The following UBE2E2 variants were observed in gnomAD, a reference collection of about 807,000 sequenced individuals.
UBE2E2 encodes ubiquitin-conjugating enzyme E2 E2.
Under a neutral mutation model 24.7 loss-of-function variants are expected in UBE2E2, and 6 were observed. That is an observed-to-expected ratio of 0.24 (90% CI 0.13 to 0.48). The LOEUF is 0.48. Ranked by LOEUF, UBE2E2 falls within the 20% of genes least tolerant of loss-of-function variation. The pLI is 0.99. For missense variants in UBE2E2, 169 were observed against 245.0 expected (o/e 0.69, Z 2.07); for synonymous variants, 104 against 83.6 (o/e 1.24, Z -1.33).
intron 5 of UBE2E2, among the ~76,000 whole-genome samples, chr3:23,588,748 A>G (rs1234794746): frequency 6.6e-6 from 1 of 152,176 alleles, no homozygotes; most frequent in Non-Finnish European, 1.5e-5. Flanking sequence ...CAAGAGACTC[A>G]GCCTCCTTAT....
chr3:23,585,556 G>A (rs1352391918), intron 5 of UBE2E2, among the ~76,000 whole-genome samples: 3 of 152,094 alleles, frequency 2.0e-5, no homozygotes, highest in African/African-American at 4.8e-5. Flanking sequence ...TTAAGTACTT[G>A]AAGTCATCTA....
intron 3 of UBE2E2, among the ~76,000 whole-genome samples, chr3:23,370,883 A>G (rs1214565317): frequency 6.6e-6 from 1 of 152,250 alleles, no homozygotes; most frequent in Non-Finnish European, 1.5e-5. Flanking sequence ...AAATGGGAAG[A>G]GAGTAGAAGT....
chr3:23,557,742 A>G (rs1390156061), intron 5 of UBE2E2, among the ~76,000 whole-genome samples: 1 of 152,190 alleles, frequency 6.6e-6, no homozygotes, highest in Non-Finnish European at 1.5e-5. Flanking sequence ...CCCATCATTA[A>G]CTTACTTTTT....
chr3:23,535,960 G>A (rs960870267), intron 5 of UBE2E2, among the ~76,000 whole-genome samples: 2 of 152,102 alleles, frequency 1.3e-5, no homozygotes, highest in African/African-American at 4.8e-5. Flanking sequence ...CTTTTTCTGA[G>A]TTTAGTCTTG....
At chr3:23,515,166 G>T (rs13065646) in intron 4 of UBE2E2, among the ~76,000 whole-genome samples, 16,576 of 151,068 alleles carry the variant, frequency 0.11, 1,151 homozygotes, top group African/African-American at 0.18. Flanking sequence ...CATATATATA[G>T]AGAGAGAGAT....
chr3:23,499,332 T>A (rs1699670294), intron 3 of UBE2E2, among the ~76,000 whole-genome samples: 1 of 152,204 alleles, frequency 6.6e-6, no homozygotes, highest in Non-Finnish European at 1.5e-5. Flanking sequence ...ACATTTGTGT[T>A]TCTACCTCTG....
intron 5 of UBE2E2, among the ~76,000 whole-genome samples, chr3:23,533,643 A>G (rs1217277040): frequency 4.0e-5 from 1 of 25,224 alleles, no homozygotes; most frequent in East Asian, 1.7e-3. Flanking sequence ...TTTTTTTTTG[A>G]AACTGAGTCT....
chr3:23,550,121 T>C (rs966383353), intron 5 of UBE2E2, among the ~76,000 whole-genome samples: 1 of 152,104 alleles, frequency 6.6e-6, no homozygotes, highest in Non-Finnish European at 1.5e-5. Context: ...TCAAATGTGG[T>C]GGAATTTACT....
At chr3:23,219,263 CCT>C (rs1293056270) in intron 3 of UBE2E2, among the ~76,000 whole-genome samples, 3 of 152,108 alleles carry the variant, frequency 2.0e-5, no homozygotes, top group African/African-American at 7.2e-5. Flanking sequence ...AGCAAAGGGT[CCT>C]CTGTGCTGTA....
intron 3 of UBE2E2, among the ~76,000 whole-genome samples, chr3:23,446,630 C>T (rs561103678): frequency 6.6e-6 from 1 of 150,454 alleles, no homozygotes; most frequent in East Asian, 1.9e-4. Context: ...GATACCATAT[C>T]TGGCATGCCA....
At chr3:23,296,643 C>CT (rs1161276158) in intron 3 of UBE2E2, among the ~76,000 whole-genome samples, 2 of 152,114 alleles carry the variant, frequency 1.3e-5, no homozygotes, top group African/African-American at 2.4e-5. Context: ...TGAACTCATC[C>CT]TTTTTTATGG....
intron 3 of UBE2E2, among the ~76,000 whole-genome samples, chr3:23,461,597 A>G (rs1177819642): frequency 2.0e-5 from 3 of 152,100 alleles, no homozygotes; most frequent in Non-Finnish European, 4.4e-5. Flanking sequence ...TACCATTAGT[A>G]TGATTTCCTT....
At chr3:23,344,981 C>G (rs1195035940) in intron 3 of UBE2E2, among the ~76,000 whole-genome samples, 1 of 151,990 alleles carries the variant, frequency 6.6e-6, no homozygotes. Context: ...CCATTGTGGA[C>G]TCTCCCCCAG....
chr3:23,243,621 C>G (rs753579409), intron 3 of UBE2E2, among the ~76,000 whole-genome samples: 72 of 152,294 alleles, frequency 4.7e-4, no homozygotes, highest in Admixed American at 5.9e-4. Flanking sequence ...AATAATTCTA[C>G]TGTTCAGCCA....
Position 23,222,377 on chromosome 3 carries a change from A to C in UBE2E2, c.227+5065A>C, listed in dbSNP as rs1258118942. Among the ~76,000 whole-genome samples the C allele has an allele frequency of 2.0e-5, 3 of 152,246 alleles. No individual in the cohort carries two copies. In the East Asian group the frequency reaches 5.8e-4, roughly 29 times the overall value. On this transcript the variant is annotated intron_variant, in intron 3 of 5. Transcript: ENST00000396703. ...TTGATATATACTGATATGCTTTGGC[A>C]ATGTCCCCACCCAAATCTCATCTTG...
chr3:23,323,489 C>T (rs1365140585), intron 3 of UBE2E2: 1 of 434,010 alleles, frequency 2.3e-6, no homozygotes, highest in Non-Finnish European at 4.6e-6. Flanking sequence ...AAATTCAAAA[C>T]ACTTTGTAAT....
intron 3 of UBE2E2, among the ~76,000 whole-genome samples, chr3:23,439,682 T>C (rs533386858): frequency 6.6e-6 from 1 of 152,318 alleles, no homozygotes; most frequent in Admixed American, 6.5e-5. Flanking sequence ...CCACATCTTA[T>C]AACAATGGAA....
At chr3:23,556,918 A>G (rs1039835995) in intron 5 of UBE2E2, among the ~76,000 whole-genome samples, 4 of 152,160 alleles carry the variant, frequency 2.6e-5, no homozygotes, top group African/African-American at 9.7e-5. Flanking sequence ...CTCATTTAAC[A>G]TTGTCAGTAG....
chr3:23,313,435 A>C (rs12497974), intron 3 of UBE2E2, among the ~76,000 whole-genome samples: 56,069 of 134,150 alleles, frequency 0.42, 11,552 homozygotes, highest in Admixed American at 0.57. Context: ...CCCAGGCTGG[A>C]GTGCAGTGGC....
Sources: gnomAD v4.1 joint callset for allele counts (sites outside exome capture counted in the v4.1 genomes callset) on GRCh38, gnomAD v4.1.1 for gene constraint, MANE v1.5 for transcripts, NCBI Gene and HGNC (gene_info 2026-07-23, HGNC 2026-07-21) for gene names.